The following NIPAL2 variants were observed in gnomAD, a reference collection of about 807,000 sequenced individuals.
NIPAL2 encodes NIPA-like protein 2.
In NIPAL2, 43 loss-of-function variants were observed where a neutral mutation model predicts 48.9. That is an observed-to-expected ratio of 0.88 (90% CI 0.69 to 1.13). The LOEUF (loss-of-function observed/expected upper bound fraction) is 1.13, where lower values mean the gene tolerates loss of function less well. Among genes scored for constraint, NIPAL2 ranks in the 50% most tolerant of loss-of-function variants. The pLI is 0.00. For missense variants in NIPAL2, 446 were observed against 461.4 expected, an observed-to-expected ratio of 0.97 and a Z score of 0.31; for synonymous variants, 167 against 174.6, an observed-to-expected ratio of 0.96 and a Z score of 0.34.
intron 4 of NIPAL2, among the ~76,000 whole-genome samples, chr8:98,228,101 G>A (rs1004577389): frequency 2.6e-5 from 4 of 152,208 alleles, no homozygotes; most frequent in Non-Finnish European, 5.9e-5. Context: ...CACTGCTGGA[G>A]GATGTGGGAG....
At chr8:98,221,436 TA>T (rs1447008707) in intron 5 of NIPAL2, among the ~76,000 whole-genome samples, 1 of 151,778 alleles carries the variant, frequency 6.6e-6, no homozygotes, top group African/African-American at 2.4e-5. Context: ...TAAAATATAA[TA>T]AAAGAGAAAA....
chr8:98,215,902 A>T (rs1811553411), intron 5 of NIPAL2, among the ~76,000 whole-genome samples: 2 of 152,096 alleles, frequency 1.3e-5, no homozygotes, highest in Non-Finnish European at 2.9e-5. Context: ...AGTGGGAAAA[A>T]CCTCAATTAA....
At chr8:98,257,602 A>T (rs1195717164) in intron 1 of NIPAL2, among the ~76,000 whole-genome samples, 2 of 152,064 alleles carry the variant, frequency 1.3e-5, no homozygotes, top group Non-Finnish European at 2.9e-5. Context: ...GCTGTCTCTT[A>T]TGGGGAAAAT....
At chr8:98,269,577 C>G (rs1013457310) in intron 1 of NIPAL2, among the ~76,000 whole-genome samples, 1 of 152,140 alleles carries the variant, frequency 6.6e-6, no homozygotes, top group Non-Finnish European at 1.5e-5. Flanking sequence ...TAAACAGATG[C>G]GCTGTCATCC....
At chr8:98,205,961 C>T (rs1359314443) in intron 6 of NIPAL2, among the ~76,000 whole-genome samples, 4 of 152,064 alleles carry the variant, frequency 2.6e-5, no homozygotes, top group Admixed American at 2.0e-4. Context: ...GGAACTCATC[C>T]CTTATGAGAA....
intron 1 of NIPAL2, among the ~76,000 whole-genome samples, chr8:98,290,524 C>A (rs1053918387): frequency 7.9e-5 from 12 of 152,168 alleles, no homozygotes; most frequent in Non-Finnish European, 1.8e-4. Flanking sequence ...TTTATTCAAC[C>A]ACATAGCATG....
At chr8:98,230,371 G>A (rs1389180649) in intron 4 of NIPAL2, among the ~76,000 whole-genome samples, 2 of 152,102 alleles carry the variant, frequency 1.3e-5, no homozygotes, top group Non-Finnish European at 2.9e-5. Flanking sequence ...GGTGTTCCCT[G>A]GAACCAGTTT....
intron 1 of NIPAL2, among the ~76,000 whole-genome samples, chr8:98,289,624 T>TAC (rs1300826202): frequency 6.6e-6 from 1 of 152,104 alleles, no homozygotes; most frequent in African/African-American, 2.4e-5. Flanking sequence ...TAGCTGGGAC[T>TAC]ACAGGCACGA....
intron 6 of NIPAL2, among the ~76,000 whole-genome samples, chr8:98,206,296 T>C (rs1267679242): frequency 1.3e-5 from 2 of 150,714 alleles, no homozygotes; most frequent in Non-Finnish European, 2.9e-5. Flanking sequence ...TGAAAAGGTA[T>C]TTTATGTATG....
Position 98,224,616 on chromosome 8 carries a change from G to A in NIPAL2, c.437-2016C>T, listed in dbSNP as rs78985568. Among the ~76,000 whole-genome samples the A allele has an allele frequency of 9.9e-3, 1,503 of 151,670 alleles. 22 individuals carry two copies. The highest frequency in any genetic ancestry group is 0.034 in the African/African-American group (1,390 of 41,318). The stretch of plus-strand genomic sequence containing the variant: ...CCCTATCAATGTATATCTTCGTTGC[G>A]TTTCTTTCTAAATTTTGTAATTTTT... On this transcript the variant is annotated intron_variant, in intron 4 of 10. Coordinates refer to ENST00000430223, the MANE Select transcript of NIPAL2 (RefSeq NM_001321635.2).
chr8:98,231,552 G>A (rs1278010598), intron 4 of NIPAL2, among the ~76,000 whole-genome samples: 1 of 152,208 alleles, frequency 6.6e-6, no homozygotes, highest in Non-Finnish European at 1.5e-5. Flanking sequence ...TAAGGGAGAA[G>A]AGAGAAGAAA....
chr8:98,199,882 G>T (rs1563482402), intron 8 of NIPAL2, among the ~76,000 whole-genome samples: 1 of 152,036 alleles, frequency 6.6e-6, no homozygotes, highest in Non-Finnish European at 1.5e-5. Context: ...TTTTTGTGGG[G>T]TTTTTTAGAA....
intron 1 of NIPAL2, among the ~76,000 whole-genome samples, chr8:98,264,923 CA>C: frequency 6.6e-6 from 1 of 150,504 alleles, no homozygotes. Flanking sequence ...GTACTGGTAC[CA>C]AAACAGAGAT....
intron 4 of NIPAL2, among the ~76,000 whole-genome samples, chr8:98,228,807 C>T (rs184072389): frequency 6.6e-6 from 1 of 152,106 alleles, no homozygotes; most frequent in Non-Finnish European, 1.5e-5. Context: ...AGGAGATAAC[C>T]CAATTTGAGA....
At chr8:98,233,340 ATGTG>A (rs59700892) in intron 4 of NIPAL2, among the ~76,000 whole-genome samples, 48 of 149,738 alleles carry the variant, frequency 3.2e-4, no homozygotes, top group African/African-American at 5.6e-4. Flanking sequence ...TGTTTTCTTG[ATGTG>A]TGTGTGTGTG....
chr8:98,194,853 G>T, intron 9 of NIPAL2, 31 bp from the exon 10 acceptor site: 2 of 1,303,434 alleles, frequency 1.5e-6, no homozygotes, highest in South Asian at 1.5e-5. Context: ...AAGAATACAA[G>T]AACACTGAAA....
chr8:98,221,363 C>CT (rs11383684), intron 5 of NIPAL2, among the ~76,000 whole-genome samples: 64,574 of 146,176 alleles, frequency 0.44, 16,068 homozygotes, highest in South Asian at 0.57. Context: ...TCAACAAGGA[C>CT]TTTTTTTTTT....
chr8:98,205,386 A>T lies in NIPAL2; in HGVS notation c.656-140T>A, dbSNP rs547241581. The T allele has an allele frequency of 9.2e-6, 7 of 759,022 alleles. No individual in the cohort carries two copies. In the African/African-American group the frequency reaches 1.1e-4, roughly 11 times the overall value. 47.0% of individuals were successfully genotyped at this position (759,022 alleles called of 1,614,324 possible). A position where few individuals can be genotyped will look rare whatever the true frequency, so the allele number is the denominator to read the frequency against. ...ACAGTTGTGAGAGGTGTAGGAAGGG[A>T]TGTGACATTAGTAAGCAGTGGCCTT... On this transcript the variant is annotated intron_variant, in intron 6 of 10. Transcript: ENST00000430223.
chr8:98,236,851 C>CAAAAAAA (rs34210829), intron 3 of NIPAL2, among the ~76,000 whole-genome samples: 2,572 of 66,920 alleles, frequency 0.038, 147 homozygotes, highest in Non-Finnish European at 0.057. Flanking sequence ...GATCCTGTCT[C>CAAAAAAA]AAAAAAAAAA....
Sources: gnomAD v4.1 joint callset for allele counts (sites outside exome capture counted in the v4.1 genomes callset) on GRCh38, gnomAD v4.1.1 for gene constraint, MANE v1.5 for transcripts, NCBI Gene and HGNC (gene_info 2026-07-23, HGNC 2026-07-21) for gene names.